CLNS1A: variants seen among roughly 807,000 people sequenced by gnomAD.
The protein encoded by CLNS1A is chloride nucleotide-sensitive channel 1A.
Under a neutral mutation model 29.4 loss-of-function variants are expected in CLNS1A, and 16 were observed. The observed-to-expected ratio is 0.54, with a 90% CI of 0.37 to 0.83. The LOEUF is 0.83. CLNS1A is among the 40% of genes least tolerant of loss of function. The probability of loss-of-function intolerance (pLI) is 0.00; values close to 1 mark genes in which losing one functional copy is unlikely to be tolerated. For synonymous variants in CLNS1A, 96 were observed against 104.8 expected, an observed-to-expected ratio of 0.92 and a Z score of 0.51; for missense variants, 235 against 287.4, an observed-to-expected ratio of 0.82 and a Z score of 1.32.
intron 1 of CLNS1A, among the ~76,000 whole-genome samples, chr11:77,631,930 G>A (rs1318890576): frequency 1.3e-5 from 2 of 152,064 alleles, no homozygotes; most frequent in African/African-American, 2.4e-5. Flanking sequence ...TAGAGATGGG[G>A]TTTTGCCATG....
At chr11:77,625,878 G>A in intron 2 of CLNS1A, 60 bp from the exon 3 acceptor site, 2 of 1,296,112 alleles carry the variant, frequency 1.5e-6, no homozygotes, top group African/African-American at 3.0e-5. Context: ...GAAGCATATT[G>A]AAAATCTGAA....
At position 77,615,195 on chromosome 11, in the gene CLNS1A, T is replaced by C. The variant is rs1958897588; in HGVS notation, c.*1523A>G. ...TCAAATGGAATTTCTAATATTAGCC[T>C]GTGAGAATGTCCTGACTGATTACTG... On this transcript the variant is annotated 3_prime_UTR_variant, in exon 7 of 7. Transcript: ENST00000525428. 6.6e-6 allele frequency: 1 copy of C among 152,226 alleles called. No individual in the cohort carries two copies. Among genetic ancestry groups the C allele is most frequent in the Admixed American group, 6.5e-5 (1 of 15,280 alleles). 9.4% of individuals were successfully genotyped at this position (152,226 alleles called of 1,614,324 possible).
intron 2 of CLNS1A, among the ~76,000 whole-genome samples, chr11:77,629,390 CT>C (rs1489710783): frequency 6.6e-6 from 1 of 151,170 alleles, no homozygotes; most frequent in African/African-American, 2.4e-5. Flanking sequence ...ATCAAAGACT[CT>C]TTTTTTTCTT....
At chr11:77,617,185 A>G (rs1344702972) in intron 6 of CLNS1A, among the ~76,000 whole-genome samples, 1 of 151,910 alleles carries the variant, frequency 6.6e-6, no homozygotes, top group Non-Finnish European at 1.5e-5. Context: ...CTTACCAAAC[A>G]TGGAGAAACA....
intron 1 of CLNS1A, among the ~76,000 whole-genome samples, chr11:77,630,842 G>T (rs963040227): frequency 6.6e-6 from 1 of 152,138 alleles, no homozygotes; most frequent in Admixed American, 6.6e-5. Context: ...AGGAAATAGG[G>T]AATGTCTGCT....
intron 1 of CLNS1A, among the ~76,000 whole-genome samples, chr11:77,634,578 G>C (rs557999235): frequency 6.6e-6 from 1 of 152,036 alleles, no homozygotes; most frequent in East Asian, 1.9e-4. Flanking sequence ...ACAAAAATTA[G>C]CTGGGCGTGG....
intron 4 of CLNS1A, among the ~76,000 whole-genome samples, chr11:77,622,926 C>G (rs1168424829): frequency 7.0e-6 from 1 of 142,790 alleles, no homozygotes; most frequent in Non-Finnish European, 1.5e-5. Context: ...CCAGCCTGGG[C>G]AACCGAGCAA....
chr11:77,637,270 G>GA (rs1389362382), intron 1 of CLNS1A, among the ~76,000 whole-genome samples: 20 of 40,474 alleles, frequency 4.9e-4, no homozygotes, highest in African/African-American at 1.9e-3. Flanking sequence ...GAAAATAAAA[G>GA]AAAGAAAGAA....
intron 5 of CLNS1A, among the ~76,000 whole-genome samples, 153 bp from the exon 6 acceptor site, chr11:77,619,848 A>G (rs1480424009): frequency 6.6e-6 from 1 of 152,202 alleles, no homozygotes; most frequent in Non-Finnish European, 1.5e-5. Flanking sequence ...CAAACTGAGA[A>G]AGAAAATGCT....
At chr11:77,622,223 TCA>T (rs957341516) in intron 5 of CLNS1A, among the ~76,000 whole-genome samples, 3 of 152,338 alleles carry the variant, frequency 2.0e-5, no homozygotes, top group Admixed American at 2.0e-4. Flanking sequence ...TGGATATCTC[TCA>T]GTTAGAATTA....
At position 77,625,717 on chromosome 11, in the gene CLNS1A, AC is replaced by A. The variant is rs769423827; in HGVS notation, c.363del (p.Leu122TrpfsTer56). ...EFRFVPSDKS[A>X]LEAMFTAMCE... is the part of the protein sequence containing the mutation. ...AGAATCAATACTGTAGAACACTCAC[AC>A]GCTGATTTATCACTAGGCACAAATC... On this transcript the variant is annotated frameshift_variant and splice_region_variant, in exon 3 of 7. Coordinates refer to ENST00000525428, the MANE Select transcript of CLNS1A (RefSeq NM_001293.3). LOFTEE classifies it high-confidence loss of function. The A allele has an allele frequency of 2.5e-6, 4 of 1,610,212 alleles. No individual in the cohort carries two copies. The highest frequency in any genetic ancestry group is 3.4e-6 in the Non-Finnish European group (4 of 1,178,566).
intron 1 of CLNS1A, 105 bp downstream of exon 1, chr11:77,637,485 C>G: frequency 7.0e-7 from 1 of 1,419,552 alleles, no homozygotes; most frequent in South Asian, 1.5e-5. Context: ...ACCCCGCTCC[C>G]AGCAGGCCTC....
At chr11:77,637,243 T>TTAAAAAAA (rs1554980845) in intron 1 of CLNS1A, among the ~76,000 whole-genome samples, 1 of 43,200 alleles carries the variant, frequency 2.3e-5, no homozygotes, top group Non-Finnish European at 3.6e-5. Context: ...ATAGGCGAGT[T>TTAAAAAAA]AAAAAAAAAA....
chr11:77,619,112 T>C (rs1370440410), intron 6 of CLNS1A, among the ~76,000 whole-genome samples: 2 of 152,230 alleles, frequency 1.3e-5, no homozygotes, highest in African/African-American at 2.4e-5. Flanking sequence ...CCTTCAGTTA[T>C]TATCTAACAT....
At chr11:77,631,518 C>A (rs959504792) in intron 1 of CLNS1A, among the ~76,000 whole-genome samples, 3 of 151,622 alleles carry the variant, frequency 2.0e-5, no homozygotes, top group African/African-American at 7.3e-5. Context: ...GGGGTTTCAC[C>A]GTGTTAGCCA....
intron 1 of CLNS1A, among the ~76,000 whole-genome samples, chr11:77,636,139 C>T (rs1959123451): frequency 6.6e-6 from 1 of 152,032 alleles, no homozygotes; most frequent in Non-Finnish European, 1.5e-5. Flanking sequence ...GGCACAATCA[C>T]GGCTCACCGC....
intron 2 of CLNS1A, among the ~76,000 whole-genome samples, chr11:77,629,078 C>T (rs67807487): frequency 0.18 from 27,514 of 152,048 alleles, 3,192 homozygotes; most frequent in African/African-American, 0.31. Context: ...AGACCCACTA[C>T]TGAAACAAAA....
In CLNS1A at chr11:77,622,404, T is replaced by C. The variant is rs1001494952; in HGVS notation, c.646+96A>G. ...TGCTTCCTATACTATAGAGAGTCAA[T>C]TCTTTCTCTTAGTTATTAAAAGAAC... is the stretch of plus-strand genomic sequence containing the variant. On this transcript the variant is annotated intron_variant, in intron 5 of 6. Transcript: ENST00000525428. 1.7e-5 allele frequency: 14 copies of C among 845,056 alleles called. No individual in the cohort carries two copies. The African/African-American group carries it at 2.0e-4, about 12-fold the overall frequency. 52.3% of individuals were successfully genotyped at this position (845,056 alleles called of 1,614,324 possible). A position where few individuals can be genotyped will look rare whatever the true frequency, so the allele number is the denominator to read the frequency against.
chr11:77,627,038 G>GAA (rs879666719), intron 2 of CLNS1A, among the ~76,000 whole-genome samples: 1 of 133,658 alleles, frequency 7.5e-6, no homozygotes, highest in Non-Finnish European at 1.6e-5. Flanking sequence ...ATGCCAAAGA[G>GAA]AAAAAAAAAA....
Sources: gnomAD v4.1 joint callset for allele counts (sites outside exome capture counted in the v4.1 genomes callset) on GRCh38, gnomAD v4.1.1 for gene constraint, MANE v1.5 for transcripts, NCBI Gene and HGNC (gene_info 2026-07-23, HGNC 2026-07-21) for gene names.